CDH18: variants seen among roughly 807,000 people sequenced by gnomAD.
CDH18 encodes the protein cadherin 18, also known as cadherin-18.
In CDH18, 31 loss-of-function variants were observed where a neutral mutation model predicts 67.9. That is an observed-to-expected ratio of 0.46 (90% confidence interval 0.34 to 0.62). The LOEUF (loss-of-function observed/expected upper bound fraction) is 0.62. CDH18 is among the 20% of genes least tolerant of loss of function. The probability of loss-of-function intolerance (pLI) is 0.01; values close to 1 mark genes in which losing one functional copy is unlikely to be tolerated. For synonymous variants in CDH18, 362 were observed against 347.2 expected, an observed-to-expected ratio of 1.04 and a Z score of -0.48; for missense variants, 890 against 975.5, an observed-to-expected ratio of 0.91 and a Z score of 1.17.
At chr5:20,444,144 T>C (rs187350499) in intron 1 of CDH18, among the ~76,000 whole-genome samples, 1 of 150,066 alleles carries the variant, frequency 6.7e-6, no homozygotes, top group East Asian at 1.9e-4. Context: ...AGTTGTATTA[T>C]AGTCATGTGA....
chr5:19,712,236 A>C (rs1764794473), intron 5 of CDH18, among the ~76,000 whole-genome samples: 1 of 152,064 alleles, frequency 6.6e-6, no homozygotes, highest in Admixed American at 6.6e-5. Context: ...CCAAAAGCCC[A>C]AATTTCACCA....
chr5:20,472,872 T>C (rs1752185121), intron 1 of CDH18, among the ~76,000 whole-genome samples: 1 of 152,246 alleles, frequency 6.6e-6, no homozygotes. Context: ...TTTTCAGTTT[T>C]TACTATTTGT....
chr5:19,486,190 CG>C (rs1411335964), intron 11 of CDH18, among the ~76,000 whole-genome samples: 1 of 150,782 alleles, frequency 6.6e-6, no homozygotes, highest in African/African-American at 2.4e-5. Context: ...TGTACCTCAC[CG>C]GAACAGTACA....
chr5:19,636,699 T>C lies in CDH18; in HGVS notation c.644-24098A>G, dbSNP rs1753201711. Among the ~76,000 whole-genome samples the C allele has an allele frequency of 2.6e-5, 4 of 151,958 alleles. No individual in the cohort carries two copies. The South Asian group carries it at 8.3e-4, about 32-fold the overall frequency. On this transcript the variant is annotated intron_variant, in intron 5 of 12. Coordinates refer to ENST00000382275, the MANE Select transcript of CDH18 (RefSeq NM_004934.5). ...ACTATGGTCACTAAAAATAAATAAC[T>C]GTACTCTATACATTCTTTATGTCTT...
At chr5:19,490,355 G>GT (rs1028786599) in intron 11 of CDH18, among the ~76,000 whole-genome samples, 3 of 112,436 alleles carry the variant, frequency 2.7e-5, no homozygotes, top group Non-Finnish European at 5.4e-5. Flanking sequence ...GATAAAATTA[G>GT]TTTTTTTTAT....
At chr5:19,478,059 T>C (rs901206968) in intron 12 of CDH18, among the ~76,000 whole-genome samples, 3 of 152,176 alleles carry the variant, frequency 2.0e-5, no homozygotes, top group African/African-American at 4.8e-5. Flanking sequence ...TGGAGTTTTA[T>C]GAATTAATTT....
At chr5:19,490,655 T>C (rs6889810) in intron 11 of CDH18, among the ~76,000 whole-genome samples, 53,586 of 151,664 alleles carry the variant, frequency 0.35, 9,825 homozygotes, top group African/African-American at 0.44. Context: ...CCTCATGATC[T>C]GCACACCTCA....
chr5:19,546,788 C>T (rs1044656911), intron 8 of CDH18, among the ~76,000 whole-genome samples: 3 of 151,992 alleles, frequency 2.0e-5, no homozygotes, highest in African/African-American at 7.2e-5. Context: ...AACTACAGAG[C>T]AAGGAGCATG....
At chr5:19,654,568 T>A (rs767269522) in intron 5 of CDH18, among the ~76,000 whole-genome samples, 3 of 152,088 alleles carry the variant, frequency 2.0e-5, no homozygotes, top group Non-Finnish European at 2.9e-5. Context: ...TCCGGCCCCA[T>A]GGTAGTGTCA....
chr5:20,482,843 C>T (rs1752910635), intron 1 of CDH18, among the ~76,000 whole-genome samples: 1 of 152,036 alleles, frequency 6.6e-6, no homozygotes, highest in Non-Finnish European at 1.5e-5. Context: ...AACTGAAAGC[C>T]TCTCCTGCAT....
intron 2 of CDH18, among the ~76,000 whole-genome samples, chr5:20,095,203 A>G (rs1341701253): frequency 6.6e-6 from 1 of 151,472 alleles, no homozygotes; most frequent in African/African-American, 2.4e-5. Context: ...TACCTAATGT[A>G]GATGACGGGT....
chr5:20,074,339 C>T (rs1349062617), intron 2 of CDH18, among the ~76,000 whole-genome samples: 1 of 151,986 alleles, frequency 6.6e-6, no homozygotes, highest in Non-Finnish European at 1.5e-5. Flanking sequence ...TTTAACAGTT[C>T]GGGATGGCAC....
chr5:19,977,143 GA>G (rs1420012976), intron 2 of CDH18, among the ~76,000 whole-genome samples: 1 of 151,978 alleles, frequency 6.6e-6, no homozygotes, highest in African/African-American at 2.4e-5. Context: ...GAAATTAAAG[GA>G]ACAAAAAAAT....
intron 1 of CDH18, among the ~76,000 whole-genome samples, chr5:20,396,064 G>A (rs1222673389): frequency 1.3e-5 from 2 of 152,156 alleles, no homozygotes; most frequent in Non-Finnish European, 2.9e-5. Context: ...AGTTCTGTGA[G>A]CCACTCCAGC....
chr5:19,819,802 G>T (rs1299456328), intron 3 of CDH18, among the ~76,000 whole-genome samples: 2 of 152,054 alleles, frequency 1.3e-5, no homozygotes, highest in Non-Finnish European at 2.9e-5. Flanking sequence ...TGGCCAGGTT[G>T]GGAGAACAGG....
chr5:19,823,164 T>G (rs1201720440), intron 3 of CDH18, among the ~76,000 whole-genome samples: 1 of 152,168 alleles, frequency 6.6e-6, no homozygotes, highest in Admixed American at 6.5e-5. Context: ...TGCCCAGATT[T>G]CATATTGTTC....
At chr5:19,600,491 T>C (rs1746949587) in intron 6 of CDH18, among the ~76,000 whole-genome samples, 1 of 150,810 alleles carries the variant, frequency 6.6e-6, no homozygotes, top group Non-Finnish European at 1.5e-5. Flanking sequence ...CTAAGGGTTG[T>C]CTCTCCTCAC....
chr5:20,568,698 A>G (rs1022784965), intron 1 of CDH18, among the ~76,000 whole-genome samples: 3 of 152,300 alleles, frequency 2.0e-5, no homozygotes, highest in East Asian at 1.9e-4. Flanking sequence ...TGGCATTTTA[A>G]AAACATTTTC....
At chr5:20,042,456 C>T (rs866618499) in intron 2 of CDH18, among the ~76,000 whole-genome samples, 31 of 152,136 alleles carry the variant, frequency 2.0e-4, no homozygotes, top group Admixed American at 2.0e-3. Context: ...TACTTCAAAT[C>T]ATATAAAATA....
Sources: gnomAD v4.1 joint callset for allele counts (sites outside exome capture counted in the v4.1 genomes callset) on GRCh38, gnomAD v4.1.1 for gene constraint, MANE v1.5 for transcripts, NCBI Gene and HGNC (gene_info 2026-07-23, HGNC 2026-07-21) for gene names.